TNFRSF10A: variants seen among roughly 807,000 people sequenced by gnomAD.
The protein encoded by TNFRSF10A is TNF receptor superfamily member 10a.
TNFRSF10A carries 44 observed loss-of-function variants against 42.8 expected under a neutral mutation model. The observed-to-expected ratio is 1.03, with a 90% CI of 0.81 to 1.32. The LOEUF is 1.32. Among genes scored for constraint, TNFRSF10A ranks in the 40% most tolerant of loss-of-function variants. The pLI is 0.00. For synonymous variants in TNFRSF10A, 259 were observed against 234.2 expected (o/e 1.11, Z -0.97); for missense variants, 680 against 602.0 (o/e 1.13, Z -1.36).
chr8:23,216,244 T>C (rs551479837), intron 1 of TNFRSF10A, among the ~76,000 whole-genome samples: 1 of 152,258 alleles, frequency 6.6e-6, no homozygotes, highest in Non-Finnish European at 1.5e-5. Context: ...ATGTTGTTAC[T>C]ACCTTTGAGT....
At chr8:23,203,186 G>A (rs1312669707) in intron 2 of TNFRSF10A, among the ~76,000 whole-genome samples, 1 of 152,180 alleles carries the variant, frequency 6.6e-6, no homozygotes, top group African/African-American at 2.4e-5. Context: ...CAAAGTGGCT[G>A]TGTTTTAAGT....
At chr8:23,200,427 G>T (rs1800890370) in intron 6 of TNFRSF10A, 78 bp downstream of exon 6, 1 of 1,513,796 alleles carries the variant, frequency 6.6e-7, no homozygotes, top group Non-Finnish European at 9.2e-7. Context: ...TGGGGCAGGG[G>T]TGAGCGTTTC....
chr8:23,212,039 T>C, intron 2 of TNFRSF10A, 77 bp downstream of exon 2: 10 of 1,289,298 alleles, frequency 7.8e-6, no homozygotes, highest in Non-Finnish European at 1.1e-5. Flanking sequence ...TTGATGAATT[T>C]TGAGATAATT....
At chr8:23,203,316 G>A (rs778712417) in intron 2 of TNFRSF10A, among the ~76,000 whole-genome samples, 5 of 152,144 alleles carry the variant, frequency 3.3e-5, no homozygotes, top group South Asian at 2.1e-4. Flanking sequence ...ACAAACAGGC[G>A]CAGAAACAAT....
intron 1 of TNFRSF10A, among the ~76,000 whole-genome samples, chr8:23,215,333 T>A (rs532634964): frequency 2.6e-5 from 4 of 152,054 alleles, no homozygotes; most frequent in African/African-American, 7.2e-5. Flanking sequence ...CTGGCCAACA[T>A]GGTGAAACCC....
chr8:23,200,757 G>T lies in TNFRSF10A; in HGVS notation c.633C>A (p.Cys211Ter), dbSNP rs144093718. The T allele has an allele frequency of 4.0e-6, 4 of 995,958 alleles. No individual in the cohort carries two copies. The South Asian group carries it at 5.0e-5, about 13-fold the overall frequency. 61.7% of individuals were successfully genotyped at this position (995,958 alleles called of 1,614,324 possible). Reference protein sequence around the residue: ...AEMCRKCSRGCPRGMVKVKDC... With the variant: ...AEMCRKCSRG ...CCTTGACCTTGACCATCCCTCTGGG[G>T]CACCTGGGTACACACAGGGAGGGAG... is the stretch of plus-strand genomic sequence containing the variant. The change falls in exon 5 of 10, where the codon TGC (cysteine) becomes TGA (stop). Residue 211 changes from cysteine (C) to a stop codon, truncating the protein, a stop_gained. Transcript: ENST00000221132. LOFTEE classifies it high-confidence loss of function.
chr8:23,195,015 C>G (rs2128846495), intron 9 of TNFRSF10A, among the ~76,000 whole-genome samples: 1 of 152,226 alleles, frequency 6.6e-6, no homozygotes, highest in African/African-American at 2.4e-5. Context: ...AAAAAGTACC[C>G]AGATGTGGTG....
intron 1 of TNFRSF10A, among the ~76,000 whole-genome samples, chr8:23,223,263 C>T (rs1801282146): frequency 6.6e-6 from 1 of 152,072 alleles, no homozygotes; most frequent in Non-Finnish European, 1.5e-5. Flanking sequence ...GACGGGGTTT[C>T]ACCGTGTTGG....
intron 2 of TNFRSF10A, among the ~76,000 whole-genome samples, chr8:23,203,187 T>C (rs1585282332): frequency 6.6e-6 from 1 of 152,196 alleles, no homozygotes; most frequent in Non-Finnish European, 1.5e-5. Context: ...AAAGTGGCTG[T>C]GTTTTAAGTG....
At chr8:23,214,679 T>C (rs373715333) in intron 1 of TNFRSF10A, among the ~76,000 whole-genome samples, 2 of 152,204 alleles carry the variant, frequency 1.3e-5, no homozygotes, top group Non-Finnish European at 2.9e-5. Flanking sequence ...GAATGTTTCA[T>C]GTACCCTTGA....
intron 1 of TNFRSF10A, among the ~76,000 whole-genome samples, chr8:23,214,327 A>T (rs1585286640): frequency 6.6e-6 from 1 of 152,224 alleles, no homozygotes; most frequent in Admixed American, 6.5e-5. Flanking sequence ...CTCTATTAAA[A>T]AATACAAAAA....
chr8:23,200,052 G>A, intron 6 of TNFRSF10A, 135 bp from the exon 7 acceptor site: 2 of 1,049,298 alleles, frequency 1.9e-6, no homozygotes, highest in South Asian at 1.4e-5. Flanking sequence ...GGATCCACAT[G>A]AGGCCCTGCT....
chr8:23,205,112 G>C (rs565699770), intron 2 of TNFRSF10A, among the ~76,000 whole-genome samples: 1 of 152,186 alleles, frequency 6.6e-6, no homozygotes, highest in African/African-American at 2.4e-5. Flanking sequence ...AAAAACAACA[G>C]AGTAAATTAA....
At position 23,191,557 on chromosome 8, in the gene TNFRSF10A, C is replaced by A; in HGVS notation, c.*137G>T. 2 of 1,315,882 alleles carry A rather than the reference C, an allele frequency of 1.5e-6. No individual in the cohort carries two copies. Among genetic ancestry groups the A allele is most frequent in the East Asian group, 2.5e-5 (1 of 39,506 alleles). The allele number at this position is 1,315,882 out of a possible 1,614,324, so 81.5% of individuals were successfully genotyped here. On this transcript the variant is annotated 3_prime_UTR_variant, in exon 10 of 10. Coordinates refer to ENST00000221132, the MANE Select transcript of TNFRSF10A (RefSeq NM_003844.4). ...TCAAGTGATCCACCCGCCTCAGCCT[C>A]CCAAAGTGCTGGGATTACAGGCATG...
chr8:23,191,652 A>C lies in TNFRSF10A; in HGVS notation c.*42T>G. 6.5e-7 allele frequency: 1 copy of C among 1,549,750 alleles called. No individual in the cohort carries two copies. The highest frequency in any genetic ancestry group is 8.7e-7 in the Non-Finnish European group (1 of 1,155,176). ...AAAAAAAAAAACCTAATATGTATTAACTCCTAACACCTAAGAGGAAACCTC... is the reference window on the plus strand; with the variant it reads ...AAAAAAAAAAACCTAATATGTATTACCTCCTAACACCTAAGAGGAAACCTC... On this transcript the variant is annotated 3_prime_UTR_variant, in exon 10 of 10. Coordinates refer to ENST00000221132, the MANE Select transcript of TNFRSF10A (RefSeq NM_003844.4).
At chr8:23,198,857 C>T (rs1265232290) in intron 8 of TNFRSF10A, among the ~76,000 whole-genome samples, 1 of 152,188 alleles carries the variant, frequency 6.6e-6, no homozygotes, top group Non-Finnish European at 1.5e-5. Context: ...TCCATACAAC[C>T]ATATGCAGAA....
chr8:23,224,814 C>A lies in TNFRSF10A; in HGVS notation c.248G>T (p.Ser83Ile). ...GGTCTTGTGGACCCGGAGCCGAGGG[C>A]TGGCTTCCCGCGCCGGCCTGGGTCC... The part of the protein sequence containing the change: ...APGPRPAREA[S>I]PRLRVHKTFK... Residue 83 changes from serine (S) to isoleucine (I), a missense_variant, in exon 1 of 10, where the codon AGC (serine) becomes ATC (isoleucine). By Grantham distance (142) the Ser-to-Ile change is moderately radical. Transcript: ENST00000221132. 2 of 1,566,798 alleles carry A rather than the reference C, an allele frequency of 1.3e-6. 1 individual carries two copies. Among genetic ancestry groups the A allele is most frequent in the South Asian group, 2.3e-5 (2 of 85,398 alleles).
intron 8 of TNFRSF10A, among the ~76,000 whole-genome samples, chr8:23,198,672 T>C (rs115948319): frequency 0.015 from 2,308 of 152,258 alleles, 56 homozygotes; most frequent in African/African-American, 0.053. Context: ...ATACATGAAC[T>C]GGTACAAACC....
chr8:23,221,956 A>C (rs964663364), intron 1 of TNFRSF10A, among the ~76,000 whole-genome samples: 8 of 151,806 alleles, frequency 5.3e-5, no homozygotes, highest in African/African-American at 1.9e-4. Context: ...GGCTCACTGC[A>C]AGCTCTGCCT....
Sources: allele counts gnomAD v4.1 joint callset (sites outside exome capture counted in the v4.1 genomes callset), GRCh38; gene constraint gnomAD v4.1.1; transcripts MANE v1.5; gene names NCBI Gene and HGNC (gene_info 2026-07-23, HGNC 2026-07-21).